The following PDE1A variants were observed in gnomAD, a reference collection of about 807,000 sequenced individuals.
The protein encoded by PDE1A is phosphodiesterase 1A, also known as dual specificity calcium/calmodulin-dependent 3',5'-cyclic nucleotide phosphodiesterase 1A.
PDE1A carries 35 observed loss-of-function variants against 61.7 expected under a neutral mutation model. That is an observed-to-expected ratio of 0.57 (90% confidence interval 0.43 to 0.75). PDE1A has a LOEUF of 0.75. Among genes scored for constraint, PDE1A ranks in the 30% least tolerant of loss-of-function variants. The pLI, the probability that PDE1A is intolerant of heterozygous loss-of-function variation, is 0.00. For missense variants in PDE1A, 597 were observed against 630.6 expected (o/e 0.95, Z 0.57); for synonymous variants, 232 against 213.2 (o/e 1.09, Z -0.77).
At chr2:182,622,789 C>T in the PDE1A span, among the ~76,000 whole-genome samples, 2 of 152,032 alleles carry the variant, frequency 1.3e-5, no homozygotes, top group African/African-American at 4.8e-5. Flanking sequence ...TGAAACACAA[C>T]ATAAGTATAG....
chr2:182,630,941 T>C, the PDE1A span, among the ~76,000 whole-genome samples: 1 of 152,126 alleles, frequency 6.6e-6, no homozygotes, highest in Non-Finnish European at 1.5e-5. Flanking sequence ...TCTGTATTAA[T>C]TATGGTTCTC....
At chr2:182,694,633 A>C in the PDE1A span, among the ~76,000 whole-genome samples, 1 of 152,228 alleles carries the variant, frequency 6.6e-6, no homozygotes, top group African/African-American at 2.4e-5. Flanking sequence ...GTTAGAACAA[A>C]TGTTTACAGA....
chr2:182,470,647 T>C (rs62190678), intron 2 of PDE1A, among the ~76,000 whole-genome samples: 25,533 of 151,760 alleles, frequency 0.17, 2,532 homozygotes, highest in Middle Eastern at 0.31. Flanking sequence ...GGATTTATTC[T>C]GAAAGTGGGT....
At chr2:182,498,517 A>G (rs948140440) in intron 2 of PDE1A, among the ~76,000 whole-genome samples, 5 of 152,086 alleles carry the variant, frequency 3.3e-5, no homozygotes, top group Admixed American at 2.6e-4. Flanking sequence ...TAAAAATCCC[A>G]GAAAGAAAAA....
chr2:182,629,160 A>T, the PDE1A span, among the ~76,000 whole-genome samples: 1 of 152,144 alleles, frequency 6.6e-6, no homozygotes, highest in Non-Finnish European at 1.5e-5. Flanking sequence ...TCTACCAACA[A>T]TAATGCAAGC....
chr2:182,306,570 A>G (rs2623412), intron 1 of PDE1A, among the ~76,000 whole-genome samples: 146,348 of 152,144 alleles, frequency 0.96, 70,639 homozygotes, highest in Non-Finnish European at 1. Context: ...AAACTATAAT[A>G]TAAATCTATA....
intron 2 of PDE1A, among the ~76,000 whole-genome samples, chr2:182,246,394 C>CTTCTTTTTTTTTTT (rs1690952238): frequency 9.5e-6 from 1 of 105,366 alleles, no homozygotes; most frequent in African/African-American, 3.6e-5. Context: ...AGTCTTTTTT[C>CTTCTTTTTTTTTTT]TTTTTTCTTT....
intron 2 of PDE1A, among the ~76,000 whole-genome samples, chr2:182,516,684 G>A (rs1053232166): frequency 7.9e-6 from 1 of 126,360 alleles, no homozygotes; most frequent in African/African-American, 3.2e-5. Flanking sequence ...AAGGAGGGAA[G>A]GAGGGAAGGG....
chr2:182,273,908 C>A (rs1693218654), intron 1 of PDE1A, among the ~76,000 whole-genome samples: 1 of 152,162 alleles, frequency 6.6e-6, no homozygotes, highest in Non-Finnish European at 1.5e-5. Context: ...TTAGACCAAA[C>A]AAAATACCAT....
At chr2:182,537,916 T>A in the PDE1A span, among the ~76,000 whole-genome samples, 1 of 152,028 alleles carries the variant, frequency 6.6e-6, no homozygotes, top group Non-Finnish European at 1.5e-5. Flanking sequence ...TCTTGAAGGA[T>A]TTTGAACAAG....
At chr2:182,640,644 G>A in the PDE1A span, among the ~76,000 whole-genome samples, 70 of 152,084 alleles carry the variant, frequency 4.6e-4, no homozygotes, top group African/African-American at 1.6e-3. Context: ...TAGTAGGATC[G>A]ATACTGTAAG....
downstream of PDE1A, chr2:182,142,190 AT>A (rs1269232951): frequency 6.6e-6 from 1 of 151,430 alleles, no homozygotes; most frequent in Non-Finnish European, 1.5e-5. Flanking sequence ...CTGGTAATAT[AT>A]TTTGTTACAT....
At chr2:182,289,215 T>C (rs538816782) in intron 1 of PDE1A, among the ~76,000 whole-genome samples, 2 of 152,256 alleles carry the variant, frequency 1.3e-5, no homozygotes, top group East Asian at 1.9e-4. Context: ...GAAAATTGCA[T>C]AAATTAATTC....
At chr2:182,668,233 T>A in the PDE1A span, among the ~76,000 whole-genome samples, 1 of 151,938 alleles carries the variant, frequency 6.6e-6, no homozygotes, top group African/African-American at 2.4e-5. Flanking sequence ...GACGTAGGAT[T>A]TGTAGGGGTT....
intron 13 of PDE1A, among the ~76,000 whole-genome samples, chr2:182,157,019 A>ATTTTTTTTTT (rs1188867398): frequency 8.3e-6 from 1 of 120,504 alleles, no homozygotes; most frequent in African/African-American, 4.7e-5. Flanking sequence ...ATTTTATTTT[A>ATTTTTTTTTT]TTTTTTTTTT....
chr2:182,596,314 G>GAAGAGCACAGAGTGATC, the PDE1A span, among the ~76,000 whole-genome samples: 5 of 152,148 alleles, frequency 3.3e-5, no homozygotes, highest in Admixed American at 2.0e-4. Context: ...AGGGGAGTCC[G>GAAGAGCACAGAGTGATC]AAGAGCACAG....
chr2:182,312,822 A>G (rs1218594354), intron 1 of PDE1A, among the ~76,000 whole-genome samples: 1 of 134,056 alleles, frequency 7.5e-6, no homozygotes, highest in African/African-American at 2.9e-5. Flanking sequence ...TAAACTTTTT[A>G]TGTTTTACCA....
At chr2:182,572,621 G>A in the PDE1A span, among the ~76,000 whole-genome samples, 6 of 152,104 alleles carry the variant, frequency 3.9e-5, no homozygotes, top group African/African-American at 7.2e-5. Context: ...GGTGGCTCAC[G>A]CGAGTAATTC....
intron 13 of PDE1A, among the ~76,000 whole-genome samples, chr2:182,174,207 C>T (rs1991765): frequency 0.76 from 114,824 of 151,920 alleles, 43,684 homozygotes; most frequent in East Asian, 0.91. Context: ...GTCCTAAAGG[C>T]GATTTGAAAA....
Sources: gnomAD v4.1 joint callset for allele counts (sites outside exome capture counted in the v4.1 genomes callset) on GRCh38, gnomAD v4.1.1 for gene constraint, MANE v1.5 for transcripts, NCBI Gene and HGNC (gene_info 2026-07-23, HGNC 2026-07-21) for gene names.